Variants in RERE observed in about 807,000 individuals in gnomAD.
RERE encodes arginine-glutamic acid dipeptide repeats protein.
In RERE, 40 loss-of-function variants were observed where a neutral mutation model predicts 146.1. The ratio of observed to expected loss-of-function variants is 0.27; its 90% CI spans 0.21 to 0.36. RERE has a LOEUF of 0.36. RERE is among the 10% of genes least tolerant of loss of function. RERE has a pLI of 1.00. For missense variants in RERE, 1,933 were observed against 2,138.7 expected, an observed-to-expected ratio of 0.90 and a Z score of 1.90; for synonymous variants, 1,003 against 866.0, an observed-to-expected ratio of 1.16 and a Z score of -2.78.
intron 1 of RERE, among the ~76,000 whole-genome samples, chr1:8,677,065 A>C (rs565600592): frequency 2.0e-4 from 30 of 152,230 alleles, no homozygotes; most frequent in Non-Finnish European, 4.3e-4. Flanking sequence ...ACCTTTGCTC[A>C]TGCGTCCTTG....
At chr1:8,437,995 T>C (rs1222882013) in intron 11 of RERE, among the ~76,000 whole-genome samples, 1 of 152,120 alleles carries the variant, frequency 6.6e-6, no homozygotes, top group East Asian at 1.9e-4. Context: ...TTATTTATTA[T>C]TATTTTTAGA....
intron 20 of RERE, among the ~76,000 whole-genome samples, chr1:8,357,900 G>A (rs1379239650): frequency 6.6e-6 from 1 of 152,228 alleles, no homozygotes; most frequent in Non-Finnish European, 1.5e-5. Context: ...CCCTTACCCT[G>A]CCCTGTGGGC....
At chr1:8,615,217 G>A (rs1440897400) in intron 3 of RERE, among the ~76,000 whole-genome samples, 1 of 152,064 alleles carries the variant, frequency 6.6e-6, no homozygotes, top group East Asian at 1.9e-4. Context: ...TAAAGCTGAA[G>A]GCAAAGTAAA....
At chr1:8,454,603 G>A (rs1481007638) in intron 11 of RERE, among the ~76,000 whole-genome samples, 4 of 151,868 alleles carry the variant, frequency 2.6e-5, no homozygotes, top group Non-Finnish European at 4.4e-5. Context: ...TCAGAAGTTC[G>A]AGACCAGCCT....
intron 11 of RERE, among the ~76,000 whole-genome samples, chr1:8,455,371 A>G (rs1644441971): frequency 6.6e-6 from 1 of 152,144 alleles, no homozygotes; most frequent in South Asian, 2.1e-4. Context: ...GGTGTGTTAG[A>G]ACAGCCAGAT....
intron 11 of RERE, among the ~76,000 whole-genome samples, chr1:8,460,509 G>A (rs1397885838): frequency 1.3e-5 from 2 of 152,164 alleles, no homozygotes; most frequent in Non-Finnish European, 2.9e-5. Context: ...TTATGAGCTT[G>A]TAAATAAATC....
chr1:8,388,366 GCGGAC>G (rs1188412333), intron 12 of RERE, among the ~76,000 whole-genome samples: 3 of 150,020 alleles, frequency 2.0e-5, no homozygotes, highest in African/African-American at 4.9e-5. Context: ...AGGCTGGACT[GCGGAC>G]TGCAGTGGCG....
Position 8,359,868 on chromosome 1 carries a change from G to A in RERE, c.3514C>T (p.Arg1172Cys), listed in dbSNP as rs201449768. ...KREEAIEKAK[R>C]EAEQKAREER... ...TCTCGGGCTTTCTGCTCAGCCTCGC[G>A]CTTGGCCTTCTCAATGGCCTCCTCC... The change falls in exon 19 of 23, where the codon CGC becomes TGC. Residue 1172 changes from arginine to cysteine, a missense_variant. Around this residue, in one of 11 missense-constraint regions of RERE, gnomAD observed 1,255 missense variants for 1,153.8 expected, o/e 1.09. Coordinates refer to ENST00000400908, the MANE Select transcript of RERE (RefSeq NM_001042681.2). The A allele has an allele frequency of 3.9e-5, 63 of 1,612,466 alleles. No individual in the cohort carries two copies. Among genetic ancestry groups the A allele is most frequent in the Middle Eastern group, 1.6e-4 (1 of 6,062 alleles).
chr1:8,638,402 T>C (rs556494019), intron 2 of RERE, among the ~76,000 whole-genome samples: 3 of 152,332 alleles, frequency 2.0e-5, no homozygotes, highest in Admixed American at 6.5e-5. Context: ...CATTTGACAT[T>C]TGATGAACTG....
intron 1 of RERE, among the ~76,000 whole-genome samples, chr1:8,776,109 T>C (rs559341351): frequency 5.9e-5 from 9 of 152,358 alleles, no homozygotes; most frequent in Admixed American, 2.0e-4. Flanking sequence ...ATCGCTTCCA[T>C]ACCAATTGTA....
intron 3 of RERE, among the ~76,000 whole-genome samples, chr1:8,619,143 A>G (rs1461858819): frequency 2.6e-5 from 4 of 152,222 alleles, no homozygotes; most frequent in Non-Finnish European, 5.9e-5. Flanking sequence ...AACTAGTAGT[A>G]TGCATCCTTA....
At chr1:8,560,641 G>C (rs1053559422) in intron 4 of RERE, among the ~76,000 whole-genome samples, 1 of 152,142 alleles carries the variant, frequency 6.6e-6, no homozygotes, top group Admixed American at 6.5e-5. Flanking sequence ...ATTACTGAAA[G>C]AATAGAAAAG....
chr1:8,521,819 C>T (rs1347535684), intron 7 of RERE, among the ~76,000 whole-genome samples: 2 of 152,148 alleles, frequency 1.3e-5, no homozygotes, highest in African/African-American at 4.8e-5. Flanking sequence ...ATTTATTCAA[C>T]ATATTCATAC....
At chr1:8,774,496 G>C (rs1202324952) in intron 1 of RERE, among the ~76,000 whole-genome samples, 2 of 151,784 alleles carry the variant, frequency 1.3e-5, no homozygotes, top group African/African-American at 4.8e-5. Flanking sequence ...TGGGATTACA[G>C]GCATGTGCCA....
At chr1:8,671,823 T>C (rs929317441) in intron 1 of RERE, among the ~76,000 whole-genome samples, 1 of 152,174 alleles carries the variant, frequency 6.6e-6, no homozygotes, top group Non-Finnish European at 1.5e-5. Flanking sequence ...TCCGAAATAA[T>C]TCAAATAGAG....
intron 3 of RERE, among the ~76,000 whole-genome samples, chr1:8,615,628 C>A (rs1646844197): frequency 6.6e-6 from 1 of 152,170 alleles, no homozygotes; most frequent in Admixed American, 6.5e-5. Flanking sequence ...CTAAAAATTA[C>A]AGATGAACAA....
At chr1:8,437,286 G>C (rs952800492) in intron 11 of RERE, among the ~76,000 whole-genome samples, 1 of 151,922 alleles carries the variant, frequency 6.6e-6, no homozygotes, top group Non-Finnish European at 1.5e-5. Flanking sequence ...CATTTGACTC[G>C]GTTCATTTAA....
intron 7 of RERE, among the ~76,000 whole-genome samples, chr1:8,509,677 G>A (rs980428564): frequency 6.6e-6 from 1 of 152,052 alleles, no homozygotes; most frequent in Non-Finnish European, 1.5e-5. Context: ...GCATGGTGGC[G>A]CACGCCTGTA....
chr1:8,570,309 C>T (rs759426427), intron 4 of RERE, among the ~76,000 whole-genome samples: 75 of 151,524 alleles, frequency 4.9e-4, no homozygotes, highest in East Asian at 3.9e-4. Flanking sequence ...TCCAGCCTGG[C>T]GACAGAGTGA....
Sources: gnomAD v4.1 joint callset for allele counts (sites outside exome capture counted in the v4.1 genomes callset) on GRCh38, gnomAD v4.1.1 for gene constraint, gnomAD v4.1.1 regional missense constraint, MANE v1.5 for transcripts, NCBI Gene and HGNC (gene_info 2026-07-23, HGNC 2026-07-21) for gene names.